Variants in SCAI observed in about 807,000 individuals in gnomAD.
SCAI encodes suppressor of cancer cell invasion.
SCAI carries 24 observed loss-of-function variants against 92.2 expected under a neutral mutation model. The observed-to-expected ratio is 0.26, with a 90% CI of 0.19 to 0.37. The LOEUF is 0.37. SCAI is among the 10% of genes least tolerant of loss of function. The probability of loss-of-function intolerance (pLI) is 1.00; values close to 1 mark genes in which losing one functional copy is unlikely to be tolerated. For synonymous variants in SCAI, 261 were observed against 258.6 expected (o/e 1.01, Z -0.09); for missense variants, 450 against 736.2 (o/e 0.61, Z 4.50).
intron 17 of SCAI, among the ~76,000 whole-genome samples, chr9:124,965,002 G>GTTT (rs200998683): frequency 2.1e-5 from 3 of 144,812 alleles, no homozygotes; most frequent in Admixed American, 6.9e-5. Flanking sequence ...TTTGTGGCAG[G>GTTT]TTTTTTTTTT....
rs767624342 is a variant in SCAI at position 124,994,925 on chromosome 9, G to A, written c.1326+9C>T. 8 of 1,603,980 alleles carry A rather than the reference G, an allele frequency of 5.0e-6. No individual in the cohort carries two copies. The Admixed American group carries it at 1.0e-4, about 20-fold the overall frequency. ...TGTCTACCTGTGCAATAGCTCTCAT[G>A]GAACTCACCTTATACGCAACACTAT... On this transcript the variant is annotated intron_variant, in intron 14 of 17. Coordinates refer to ENST00000336505, the MANE Select transcript of SCAI (RefSeq NM_001144877.3).
At chr9:124,978,836 T>A (rs1209117811) in intron 14 of SCAI, among the ~76,000 whole-genome samples, 1 of 152,072 alleles carries the variant, frequency 6.6e-6, no homozygotes, top group Non-Finnish European at 1.5e-5. Flanking sequence ...AAGTTCTTTA[T>A]GAACAGGTAT....
chr9:124,980,436 G>T (rs935921688), intron 14 of SCAI, among the ~76,000 whole-genome samples: 1 of 152,010 alleles, frequency 6.6e-6, no homozygotes, highest in Non-Finnish European at 1.5e-5. Context: ...TAGTTTTGGT[G>T]AAAATTCCTA....
chr9:124,980,544 T>C (rs149527882), intron 14 of SCAI, among the ~76,000 whole-genome samples: 99 of 152,290 alleles, frequency 6.5e-4, no homozygotes, highest in African/African-American at 2.4e-3. Flanking sequence ...GAGTGTAGCA[T>C]TTTGTTAAGA....
At position 125,003,453 on chromosome 9, in the gene SCAI, TAA is replaced by T. The variant is rs765500477; in HGVS notation, c.963+14_963+15del. The T allele has an allele frequency of 3.3e-5, 52 of 1,561,982 alleles. No individual in the cohort carries two copies. Among genetic ancestry groups the T allele is most frequent in the Non-Finnish European group, 4.2e-5 (48 of 1,132,972 alleles). ...CAGAGGGTTACCAAACTTGCAAATG[TAA>T]AAGAGGAGATTACCTGCATTCCTGG... On this transcript the variant is annotated intron_variant, in intron 10 of 17. Coordinates refer to ENST00000336505, the MANE Select transcript of SCAI (RefSeq NM_001144877.3).
At chr9:125,014,100 T>C (rs968573388) in intron 9 of SCAI, among the ~76,000 whole-genome samples, 3 of 152,084 alleles carry the variant, frequency 2.0e-5, no homozygotes, top group African/African-American at 7.2e-5. Flanking sequence ...ACTGGAAGCA[T>C]TCCCTTTGAA....
chr9:125,131,016 C>T (rs2131264779), intron 2 of SCAI, among the ~76,000 whole-genome samples: 1 of 136,884 alleles, frequency 7.3e-6, no homozygotes, highest in Non-Finnish European at 1.5e-5. Flanking sequence ...CACTCCTGGG[C>T]TCAAGTGATG....
chr9:125,075,902 T>A (rs1199886315), intron 2 of SCAI, among the ~76,000 whole-genome samples: 1 of 152,068 alleles, frequency 6.6e-6, no homozygotes, highest in Admixed American at 6.6e-5. Context: ...TTCACCACGT[T>A]GGCCAGGCTG....
rs569338959 is a variant in SCAI at position 124,991,831 on chromosome 9, T to A, written c.1326+3103A>T. On this transcript the variant is annotated intron_variant, in intron 14 of 17. Coordinates refer to ENST00000336505, the MANE Select transcript of SCAI (RefSeq NM_001144877.3). Reference sequence around the variant, plus strand: ...CAGCCTGGGCGACAGAGCAAGACTCTGTCTCAAAAACAAAAAACAAAAACA... The same window carrying A: ...CAGCCTGGGCGACAGAGCAAGACTCAGTCTCAAAAACAAAAAACAAAAACA... Among the ~76,000 whole-genome samples, 31 of 152,286 alleles carry A rather than the reference T, an allele frequency of 2.0e-4. No individual in the cohort carries two copies. The South Asian group carries it at 6.4e-3, about 32-fold the overall frequency.
intron 2 of SCAI, among the ~76,000 whole-genome samples, chr9:125,072,169 G>A (rs142110091): frequency 0.017 from 2,551 of 152,072 alleles, 36 homozygotes; most frequent in Non-Finnish European, 0.024. Context: ...GACTACAGGC[G>A]GGCACCACCA....
chr9:124,946,168 C>G lies in SCAI; in HGVS notation c.*6639G>C, dbSNP rs934077567. ...GGTATAATATCTGCTCTACTACTCT[C>G]CAGTGCAAAAACAATGATTTGGTTA... is the stretch of plus-strand genomic sequence containing the variant. On this transcript the variant is annotated 3_prime_UTR_variant, in exon 18 of 18. Transcript: ENST00000336505. This position sits in a 1 kb window ranked among gnomAD's most constrained non-coding sequence, Gnocchi z 4.0. 2.0e-5 allele frequency: 3 copies of G among 152,154 alleles called. No homozygotes were observed. The highest frequency in any genetic ancestry group is 7.2e-5 in the African/African-American group (3 of 41,428). The allele number at this position is 152,154 out of a possible 1,614,324, so 9.4% of individuals were successfully genotyped here.
intron 2 of SCAI, among the ~76,000 whole-genome samples, chr9:125,101,025 A>C (rs1223107187): frequency 6.6e-5 from 10 of 152,068 alleles, no homozygotes; most frequent in Non-Finnish European, 1.3e-4. Context: ...AGGAGTTTGA[A>C]TCCAGCCTGG....
At chr9:125,098,012 T>C (rs1424635932) in intron 2 of SCAI, among the ~76,000 whole-genome samples, 1 of 151,470 alleles carries the variant, frequency 6.6e-6, no homozygotes, top group African/African-American at 2.4e-5. Context: ...TGTGTGTGTG[T>C]GTGTATATAT....
chr9:125,120,372 T>G (rs1339635890), intron 2 of SCAI, among the ~76,000 whole-genome samples: 2 of 152,120 alleles, frequency 1.3e-5, no homozygotes, highest in Non-Finnish European at 1.5e-5. Flanking sequence ...TACAAGTAAT[T>G]ATCCTCAGAG....
At chr9:124,994,591 G>A (rs771804437) in intron 14 of SCAI, among the ~76,000 whole-genome samples, 1 of 152,090 alleles carries the variant, frequency 6.6e-6, no homozygotes, top group Non-Finnish European at 1.5e-5. Flanking sequence ...TTGAACACTA[G>A]AGAAATTCAC....
In SCAI at chr9:125,032,193, A is replaced by ATTTT. The variant is rs766382699; in HGVS notation, c.231-2455_231-2454insAAAA. ...TGAATATATATATATATATATATAT[A>ATTTT]TATTTTTTTTTTTTTTTGAGATGGA... On this transcript the variant is annotated intron_variant, in intron 3 of 17. Coordinates refer to ENST00000336505, the MANE Select transcript of SCAI (RefSeq NM_001144877.3). Among the ~76,000 whole-genome samples, 103 of 108,914 alleles carry ATTTT rather than the reference A, an allele frequency of 9.5e-4. 2 individuals carry two copies. Among genetic ancestry groups the ATTTT allele is most frequent in the African/African-American group, 3.7e-3 (92 of 24,570 alleles). 71.5% of individuals were successfully genotyped at this position (108,914 alleles called of 152,430 possible). A position where few individuals can be genotyped will look rare whatever the true frequency, so the allele number is the denominator to read the frequency against.
chr9:125,033,424 A>G (rs2131095064), intron 3 of SCAI, among the ~76,000 whole-genome samples: 1 of 152,316 alleles, frequency 6.6e-6, no homozygotes, highest in Admixed American at 6.5e-5. Context: ...CCTGAATTAA[A>G]TAAATGATGT....
rs142034931 is a variant in SCAI, at chr9:125,096,532, C to T, written c.99-40525G>A. 7.8e-3 allele frequency among the ~76,000 whole-genome samples: 1,193 copies of T among 152,314 alleles called. 10 individuals are homozygous for T. Among genetic ancestry groups the T allele is most frequent in the Non-Finnish European group, 0.012 (790 of 68,012 alleles). On this transcript the variant is annotated intron_variant, in intron 2 of 17. Coordinates refer to ENST00000336505, the MANE Select transcript of SCAI (RefSeq NM_001144877.3). ...CTCTTAGGTATAAGCTCCAGAACTC[C>T]CTTGCAAGACTAGCCAAAGTTGTCT...
intron 6 of SCAI, among the ~76,000 whole-genome samples, chr9:125,024,707 C>T (rs930274940): frequency 6.6e-6 from 1 of 152,180 alleles, no homozygotes; most frequent in African/African-American, 2.4e-5. Flanking sequence ...TTCCAGGTGG[C>T]TCACCGTAAC....
Sources: allele counts gnomAD v4.1 joint callset (sites outside exome capture counted in the v4.1 genomes callset), GRCh38; gene constraint gnomAD v4.1.1; non-coding constraint Gnocchi (gnomAD v3.1); transcripts MANE v1.5; gene names NCBI Gene and HGNC (gene_info 2026-07-23, HGNC 2026-07-21).